The following LRP1 variants were observed in gnomAD, a reference collection of about 807,000 sequenced individuals.
LRP1 encodes the protein prolow-density lipoprotein receptor-related protein 1.
LRP1 carries 51 observed loss-of-function variants against 541.5 expected under a neutral mutation model. The observed-to-expected ratio is 0.09, with a 90% CI of 0.08 to 0.12. The LOEUF is 0.12. Among genes scored for constraint, LRP1 ranks in the 10% least tolerant of loss-of-function variants. The pLI is 1.00. For missense variants in LRP1, 3,878 were observed against 6,376.2 expected (o/e 0.61, Z 13.34); for synonymous variants, 2,219 against 2,470.8 (o/e 0.90, Z 3.02).
chr12:57,166,444 C>T, intron 17 of LRP1: 1 of 500,742 alleles, frequency 2.0e-6, no homozygotes, highest in Non-Finnish European at 3.5e-6. Context: ...ACCTCTAGTC[C>T]CAGCTACTTG....
chr12:57,181,937 C>T (rs910846735), intron 34 of LRP1, among the ~76,000 whole-genome samples: 5 of 152,172 alleles, frequency 3.3e-5, no homozygotes, highest in Admixed American at 2.0e-4. Context: ...TAGGAGCCTC[C>T]CTCTTTGATG....
intron 1 of LRP1, 106 bp from the exon 2 acceptor site, chr12:57,138,353 A>C (rs2035216942): frequency 7.2e-7 from 1 of 1,389,974 alleles, no homozygotes; most frequent in Admixed American, 1.9e-5. Flanking sequence ...GGTCTGGGCC[A>C]GATGGAGACT....
Position 57,154,638 on chromosome 12 carries a change from G to A in LRP1, c.1164G>A (p.Leu388=). ...TTGTCTACTGGGCAGATGCCTATCT[G>A]GACTATATTGAAGTGGTGGACTATG... is the stretch of plus-strand genomic sequence containing the variant. ...SRLVYWADAY[L]DYIEVVDYEG... is the part of the protein sequence containing the mutation. The change falls in exon 8 of 89, where the codon CTG becomes CTA. Residue 388 remains leucine (L), a synonymous_variant. Transcript: ENST00000243077. The surrounding 1 kb of genome is among the most constrained non-coding windows in gnomAD (Gnocchi z 4.6). The A allele has an allele frequency of 6.3e-7, 1 of 1,597,938 alleles. No homozygotes were observed. Among genetic ancestry groups the A allele is most frequent in the South Asian group, 1.1e-5 (1 of 88,770 alleles).
In LRP1 at chr12:57,178,440, G is replaced by T. The variant is rs2229280; in HGVS notation, c.4443G>T (p.Pro1481=). 1 of 1,614,242 alleles carries T rather than the reference G, an allele frequency of 6.2e-7. No homozygotes were observed. Among genetic ancestry groups the T allele is most frequent in the Non-Finnish European group, 8.5e-7 (1 of 1,180,032 alleles). The change falls in exon 27 of 89, where the codon CCG becomes CCT. Residue 1481 remains proline, a synonymous_variant. Transcript: ENST00000243077. The surrounding 1 kb of genome is among the most constrained non-coding windows in gnomAD (Gnocchi z 5.8). ...GGGGACACGAGTTCCTGTCGCACCC[G>T]TTTGCAGTGACGCTGTACGGGGGGG... ...VLRGHEFLSH[P]FAVTLYGGEV...
intron 6 of LRP1, chr12:57,149,678 A>C: frequency 1.4e-6 from 1 of 732,336 alleles, no homozygotes; most frequent in South Asian, 1.4e-5. Flanking sequence ...CTGGAATCAC[A>C]GGCAGGAGCA....
chr12:57,145,460 C>T lies in LRP1; in HGVS notation c.811C>T (p.His271Tyr), dbSNP rs769440202. ...TGGCCTAAAGGGCTTCGTGGATGAGCACACCATCAACATCTCCCTCAGTCT... is the reference window on the plus strand; with the variant it reads ...TGGCCTAAAGGGCTTCGTGGATGAGTACACCATCAACATCTCCCTCAGTCT... ...MPGLKGFVDEHTINISLSLHH... is the reference protein window; with the variant it reads ...MPGLKGFVDEYTINISLSLHH... The change falls in exon 6 of 89, where the codon CAC (histidine) becomes TAC (tyrosine). Residue 271 changes from histidine (H) to tyrosine (Y), a missense_variant. Physicochemically the swap from His to Tyr is moderately conservative, Grantham distance 83. This residue lies in a region of LRP1 where 293 missense variants were observed against 403.7 expected (regional missense o/e 0.73). Coordinates refer to ENST00000243077, the MANE Select transcript of LRP1 (RefSeq NM_002332.3). 1 of 1,614,024 alleles carries T rather than the reference C, an allele frequency of 6.2e-7. No homozygotes were observed. The highest frequency in any genetic ancestry group is 1.7e-4 in the Middle Eastern group (1 of 6,058).
rs956347945 is a variant in LRP1, at chr12:57,178,094, T to C, written c.4362-265T>C. Among the ~76,000 whole-genome samples, 1 of 152,132 alleles carries C rather than the reference T, an allele frequency of 6.6e-6. No homozygotes were observed. Among genetic ancestry groups the C allele is most frequent in the African/African-American group, 2.4e-5 (1 of 41,412 alleles). On this transcript the variant is annotated intron_variant, in intron 26 of 88. Transcript: ENST00000243077. This position sits in a 1 kb window ranked among gnomAD's most constrained non-coding sequence, Gnocchi z 5.8. ...TGACTTTCATCAAAGCCCTGAGTGC[T>C]GACAGCAGCCCTGGGGAGAAGTGAC...
Position 57,177,356 on chromosome 12 carries a change from C to A in LRP1, c.4197-71C>A. The A allele has an allele frequency of 1.3e-6, 2 of 1,559,724 alleles. No individual in the cohort carries two copies. The highest frequency in any genetic ancestry group is 1.7e-6 in the Non-Finnish European group (2 of 1,145,228). ...GCCATCTGCCTCCTCCCACCCTCTA[C>A]CTACGATCCCACCACAGTCGCTCCC... On this transcript the variant is annotated intron_variant, in intron 25 of 88. Transcript: ENST00000243077. The surrounding 1 kb of genome is among the most constrained non-coding windows in gnomAD (Gnocchi z 6.8).
At chr12:57,148,955 T>C in intron 6 of LRP1, 1 of 598,038 alleles carries the variant, frequency 1.7e-6, no homozygotes, top group Non-Finnish European at 3.0e-6. Flanking sequence ...TTCCTCTCCC[T>C]TTCTTTTATT....
chr12:57,200,297 C>G, intron 62 of LRP1, 145 bp from the exon 63 acceptor site: 5 of 676,640 alleles, frequency 7.4e-6, no homozygotes, highest in South Asian at 7.1e-5. Flanking sequence ...CATACCTGGC[C>G]TTTCCGAACT....
At chr12:57,144,088 A>G (rs1369078519) in intron 4 of LRP1, among the ~76,000 whole-genome samples, 2 of 152,158 alleles carry the variant, frequency 1.3e-5, no homozygotes, top group African/African-American at 2.4e-5. Flanking sequence ...ATCCCCCTCA[A>G]TTCCGGTCCC....
chr12:57,203,404 C>G lies in LRP1; in HGVS notation c.10834C>G (p.Arg3612Gly). ...DGSDEKDCTP[R>G]CDMDQFQCKS... The stretch of plus-strand genomic sequence containing the variant: ...ATGCCCACAGAAAGACTGCACCCCC[C>G]GCTGTGACATGGACCAGTTCCAGTG... The change falls in exon 70 of 89, where the codon CGC becomes GGC. Residue 3612 changes from arginine to glycine, a missense_variant. By Grantham distance (125) the Arg-to-Gly change is moderately radical (BLOSUM62 -2). This residue lies in a region of LRP1 where 278 missense variants were observed against 536.3 expected (regional missense o/e 0.52). Coordinates refer to ENST00000243077, the MANE Select transcript of LRP1 (RefSeq NM_002332.3). 1 of 1,608,328 alleles carries G rather than the reference C, an allele frequency of 6.2e-7. No homozygotes were observed. The highest frequency in any genetic ancestry group is 8.5e-7 in the Non-Finnish European group (1 of 1,176,638).
chr12:57,167,035 C>G lies in LRP1; in HGVS notation c.2903C>G (p.Ser968Cys). Residue 968 changes from serine to cysteine, a missense_variant, in exon 18 of 89, where the codon TCT becomes TGT. By Grantham distance (112) the Ser-to-Cys change is moderately radical. Coordinates refer to ENST00000243077, the MANE Select transcript of LRP1 (RefSeq NM_002332.3). ...GACTGTGGGGACCGCTCTGATGAGT[C>G]TGCTTCGTGTGGTAAGAGGGATGGG... The part of the protein sequence containing the change: ...DDDCGDRSDE[S>C]ASCAYPTCFP... The G allele has an allele frequency of 6.2e-7, 1 of 1,613,732 alleles. No homozygotes were observed. The highest frequency in any genetic ancestry group is 8.5e-7 in the Non-Finnish European group (1 of 1,179,694).
chr12:57,204,282 C>T lies in LRP1; in HGVS notation c.10952-128C>T. 1 of 1,151,596 alleles carries T rather than the reference C, an allele frequency of 8.7e-7. No homozygotes were observed. 71.3% of individuals were successfully genotyped at this position (1,151,596 alleles called of 1,614,324 possible). On this transcript the variant is annotated intron_variant, in intron 70 of 88. Coordinates refer to ENST00000243077, the MANE Select transcript of LRP1 (RefSeq NM_002332.3). The surrounding 1 kb of genome is among the most constrained non-coding windows in gnomAD (Gnocchi z 5.3). ...CCCCACCAAGTAGAAATTTAAGAGACCTGGTTCCAATTTGGCTGTGCCACT... is the reference window on the plus strand; with the variant it reads ...CCCCACCAAGTAGAAATTTAAGAGATCTGGTTCCAATTTGGCTGTGCCACT...
rs1321024060 is a variant in LRP1 at position 57,167,531 on chromosome 12, G to A, written c.2995+7G>A. ...AACTGGAGATGCGACAATGGTAAGA[G>A]CTTGCTCTCCTCACCTGCTGATTCC... On this transcript the variant is annotated splice_region_variant and intron_variant, in intron 19 of 88. Coordinates refer to ENST00000243077, the MANE Select transcript of LRP1 (RefSeq NM_002332.3). The A allele has an allele frequency of 2.5e-6, 4 of 1,612,436 alleles. No individual in the cohort carries two copies. The highest frequency in any genetic ancestry group is 1.7e-5 in the Admixed American group (1 of 60,006).
chr12:57,147,918 G>A (rs191774187), intron 6 of LRP1, among the ~76,000 whole-genome samples: 44 of 152,268 alleles, frequency 2.9e-4, no homozygotes, highest in Non-Finnish European at 5.1e-4. Context: ...TTATCCCCCT[G>A]GATTGGGTGG....
chr12:57,175,836 C>T (rs1257407580), intron 23 of LRP1, 73 bp from the exon 24 acceptor site: 5 of 1,589,028 alleles, frequency 3.1e-6, no homozygotes, highest in African/African-American at 2.7e-5. Context: ...CAGCAGAGAC[C>T]TGCCTGCGCC....
At chr12:57,176,517 G>C (rs2036050443) in intron 24 of LRP1, among the ~76,000 whole-genome samples, 1 of 152,212 alleles carries the variant, frequency 6.6e-6, no homozygotes, top group African/African-American at 2.4e-5. Context: ...ATGCAGCAGT[G>C]ATCAAAACAG....
intron 60 of LRP1, 68 bp downstream of exon 60, chr12:57,198,738 G>A (rs2036587432): frequency 2.8e-6 from 4 of 1,447,876 alleles, no homozygotes; most frequent in Non-Finnish European, 2.8e-6. Context: ...AAGCGACAGG[G>A]GATCAAGTTT....
Sources: allele counts gnomAD v4.1 joint callset (sites outside exome capture counted in the v4.1 genomes callset), GRCh38; gene constraint gnomAD v4.1.1; regional missense constraint gnomAD v4.1.1; non-coding constraint Gnocchi (gnomAD v3.1); transcripts MANE v1.5; gene names NCBI Gene and HGNC (gene_info 2026-07-23, HGNC 2026-07-21).